Variants in CSNK2A1 observed in about 807,000 individuals in gnomAD.
CSNK2A1 encodes casein kinase 2 alpha 1, also known as casein kinase II subunit alpha.
A neutral mutation model predicts 62.9 loss-of-function variants in CSNK2A1; 10 were observed. The observed-to-expected ratio is 0.16, with a 90% CI of 0.10 to 0.27. The LOEUF (loss-of-function observed/expected upper bound fraction) is 0.27. CSNK2A1 is among the 10% of genes least tolerant of loss of function. The pLI is 1.00. For synonymous variants in CSNK2A1, 124 were observed against 167.8 expected, an observed-to-expected ratio of 0.74 and a Z score of 2.02; for missense variants, 160 against 492.0, an observed-to-expected ratio of 0.33 and a Z score of 6.38.
Position 487,414 on chromosome 20 carries a change from T to C in CSNK2A1, c.973+13A>G, listed in dbSNP as rs376903619. On this transcript the variant is annotated intron_variant, in intron 12 of 13. Transcript: ENST00000217244. ...GCCTGCACAAACTCTGTGGGCTAGA[T>C]ATCTGGACTCACAGAAATAGGGGTG... 1.2e-6 allele frequency: 2 copies of C among 1,613,314 alleles called. No homozygotes were observed. Among genetic ancestry groups the C allele is most frequent in the Non-Finnish European group, 1.7e-6 (2 of 1,180,018 alleles).
intron 3 of CSNK2A1, 129 bp downstream of exon 3, chr20:508,320 AAC>A (rs2018647641): frequency 9.8e-7 from 1 of 1,025,014 alleles, no homozygotes; most frequent in Non-Finnish European, 1.4e-6. Context: ...CTCAAAAGAA[AAC>A]ACAAATTGGG....
chr20:489,054 T>G, intron 10 of CSNK2A1: 1 of 325,944 alleles, frequency 3.1e-6, no homozygotes, highest in East Asian at 7.3e-5. Flanking sequence ...GAAGCTCCCA[T>G]TGCACACTCA....
In CSNK2A1 at chr20:499,483, T is replaced by G; in HGVS notation, c.316-178A>C. 1 of 564,226 alleles carries G rather than the reference T, an allele frequency of 1.8e-6. No homozygotes were observed. Among genetic ancestry groups the G allele is most frequent in the Non-Finnish European group, 3.0e-6 (1 of 328,578 alleles). 35.0% of individuals were successfully genotyped at this position (564,226 alleles called of 1,614,324 possible). On this transcript the variant is annotated intron_variant, in intron 5 of 13. Coordinates refer to ENST00000217244, the MANE Select transcript of CSNK2A1 (RefSeq NM_177559.3). The surrounding 1 kb of genome is among the most constrained non-coding windows in gnomAD (Gnocchi z 4.2). ...ATCATCACCGCACTTAGGTCATTTT[T>G]GGGATGGATTTCAAACAGAAGACAT...
rs73074780 is a variant in CSNK2A1 at position 498,901 on chromosome 20, T to C, written c.366+354A>G. ...AATAAGCAGTCCCTACTTTTATACA[T>C]ACAATATATTTCTTCCTGAACACTA... On this transcript the variant is annotated intron_variant, in intron 6 of 13. Coordinates refer to ENST00000217244, the MANE Select transcript of CSNK2A1 (RefSeq NM_177559.3). The C allele has an allele frequency of 6.2e-3, 974 of 156,968 alleles. 3 individuals carry two copies. The highest frequency in any genetic ancestry group is 8.8e-3 in the Non-Finnish European group (625 of 71,178). The allele number at this position is 156,968 out of a possible 1,614,324, so 9.7% of individuals were successfully genotyped here.
Position 484,694 on chromosome 20 carries a change from T to TGTGTGTG in CSNK2A1, c.1061-619_1061-618insCACACAC, listed in dbSNP as rs573370751. On this transcript the variant is annotated intron_variant, in intron 13 of 13. Coordinates refer to ENST00000217244, the MANE Select transcript of CSNK2A1 (RefSeq NM_177559.3). The stretch of plus-strand genomic sequence containing the variant: ...TTCTTCCACCTCTCTAATCATGTTT[T>TGTGTGTG]TGTGTGTGTGTGTGTGTGTGTGTGT... 3.6e-3 allele frequency among the ~76,000 whole-genome samples: 530 copies of TGTGTGTG among 147,706 alleles called. 6 individuals are homozygous for TGTGTGTG. The highest frequency in any genetic ancestry group is 0.012 in the African/African-American group (493 of 39,838).
intron 13 of CSNK2A1, among the ~76,000 whole-genome samples, chr20:485,099 A>ATATATATATAT (rs2018056429): frequency 2.9e-5 from 1 of 34,460 alleles, no homozygotes; most frequent in South Asian, 1.6e-3. Flanking sequence ...AAAAAAAAAA[A>ATATATATATAT]AAAAAAAAAA....
intron 1 of CSNK2A1, among the ~76,000 whole-genome samples, chr20:534,388 T>C (rs746434405): frequency 2.6e-5 from 4 of 152,216 alleles, no homozygotes; most frequent in Non-Finnish European, 5.9e-5. Context: ...GTTTCTTCAT[T>C]ATTCTTTTAC....
chr20:493,113 G>C (rs2018268044), intron 8 of CSNK2A1, among the ~76,000 whole-genome samples: 1 of 152,126 alleles, frequency 6.6e-6, no homozygotes, highest in African/African-American at 2.4e-5. Context: ...CCCTGCAAAA[G>C]CACCTCCACT....
chr20:497,293 A>G (rs1311343765), intron 7 of CSNK2A1, among the ~76,000 whole-genome samples: 2 of 152,132 alleles, frequency 1.3e-5, no homozygotes, highest in Non-Finnish European at 2.9e-5. Flanking sequence ...AATTACAAGC[A>G]TAAGCCACCA....
intron 13 of CSNK2A1, among the ~76,000 whole-genome samples, chr20:484,518 G>C (rs911806951): frequency 1.3e-5 from 2 of 152,186 alleles, no homozygotes; most frequent in Admixed American, 1.3e-4. Context: ...CTACCATACT[G>C]AACAGCACAT....
At position 508,664 on chromosome 20, in the gene CSNK2A1, C is replaced by G; in HGVS notation, c.-109-4G>C. The G allele has an allele frequency of 1.1e-6, 1 of 936,008 alleles. No individual in the cohort carries two copies. Among genetic ancestry groups the G allele is most frequent in the South Asian group, 1.7e-5 (1 of 60,000 alleles). 58.0% of individuals were successfully genotyped at this position (936,008 alleles called of 1,614,324 possible). On this transcript the variant is annotated splice_polypyrimidine_tract_variant and splice_region_variant and intron_variant, in intron 2 of 13. Coordinates refer to ENST00000217244, the MANE Select transcript of CSNK2A1 (RefSeq NM_177559.3). The stretch of plus-strand genomic sequence containing the variant: ...TTTCAGACCTGTTTTCTTCAAACTG[C>G]AGAAACAAAATGCACAAAGTCCAAG...
Position 475,508 on chromosome 20 carries a change from A to C in CSNK2A1, c.*8453T>G, listed in dbSNP as rs1232427170. On this transcript the variant is annotated 3_prime_UTR_variant, in exon 14 of 14. Coordinates refer to ENST00000217244, the MANE Select transcript of CSNK2A1 (RefSeq NM_177559.3). ...TGTAATCCTTTCCACACACACATAT[A>C]TATATACATAGATGTTATATGTGGT... The C allele has an allele frequency of 1.3e-5, 2 of 151,748 alleles. No homozygotes were observed. The highest frequency in any genetic ancestry group is 2.9e-5 in the Non-Finnish European group (2 of 68,004). The allele number at this position is 151,748 out of a possible 1,614,324, so 9.4% of individuals were successfully genotyped here.
chr20:481,462 G>T lies in CSNK2A1; in HGVS notation c.*2499C>A, dbSNP rs2017954098. The T allele has an allele frequency of 1.3e-5, 2 of 150,152 alleles. No individual in the cohort carries two copies. The highest frequency in any genetic ancestry group is 3.0e-5 in the Non-Finnish European group (2 of 67,648). The allele number at this position is 150,152 out of a possible 1,614,324, so 9.3% of individuals were successfully genotyped here. On this transcript the variant is annotated 3_prime_UTR_variant, in exon 14 of 14. Coordinates refer to ENST00000217244, the MANE Select transcript of CSNK2A1 (RefSeq NM_177559.3). ...GGTAATTTACAACAACACGTAAGTT[G>T]TTACTCTGTAAACCCTTGCCTCCCC...
chr20:511,783 A>G (rs1035893183), intron 2 of CSNK2A1, among the ~76,000 whole-genome samples: 2 of 152,114 alleles, frequency 1.3e-5, no homozygotes, highest in African/African-American at 4.8e-5. Flanking sequence ...TTGCTTCCAC[A>G]GCTTGGCTAT....
At chr20:487,359 G>T in intron 12 of CSNK2A1, 68 bp downstream of exon 12, 2 of 1,594,104 alleles carry the variant, frequency 1.3e-6, no homozygotes, top group Non-Finnish European at 1.7e-6. Context: ...ACAGGAGCTG[G>T]GATTACGACT....
chr20:525,891 A>T (rs1235054934), intron 2 of CSNK2A1, among the ~76,000 whole-genome samples: 1 of 149,566 alleles, frequency 6.7e-6, no homozygotes, highest in East Asian at 2.0e-4. Context: ...CTGTGGTCCA[A>T]CTATTCAGGA....
rs556104601 is a variant in CSNK2A1 at position 525,442 on chromosome 20, G to T, written c.-110+2491C>A. On this transcript the variant is annotated intron_variant, in intron 2 of 13. Transcript: ENST00000217244. ...CTGAGGCGGGCGGATCACGAGGTCAGAAGATCGAGACCACCCTGGCTAACA... is the reference window on the plus strand; with the variant it reads ...CTGAGGCGGGCGGATCACGAGGTCATAAGATCGAGACCACCCTGGCTAACA... 7.9e-5 allele frequency among the ~76,000 whole-genome samples: 12 copies of T among 151,554 alleles called. No homozygotes were observed. In the South Asian group the frequency reaches 2.3e-3, roughly 29 times the overall value.
At chr20:516,739 A>T (rs1350561772) in intron 2 of CSNK2A1, among the ~76,000 whole-genome samples, 1 of 152,214 alleles carries the variant, frequency 6.6e-6, no homozygotes, top group African/African-American at 2.4e-5. Flanking sequence ...ATTTTTATTG[A>T]TGAATTTCCT....
chr20:483,988 A>G lies in CSNK2A1; in HGVS notation c.1149T>C (p.Val383=). The G allele has an allele frequency of 1.2e-6, 2 of 1,612,220 alleles. No individual in the cohort carries two copies. The highest frequency in any genetic ancestry group is 4.5e-5 in the East Asian group (2 of 44,576). The change falls in exon 14 of 14, where the codon GTT becomes GTC. Residue 383 remains valine (V), a synonymous_variant. Transcript: ENST00000217244. ...IAAANPLGMP[V]PAAAGAQQ ...ACTGCTGAGCGCCAGCGGCAGCTGG[A>G]ACAGGCATCCCAAGGGGGTTGGCAG...
Sources: allele counts gnomAD v4.1 joint callset (sites outside exome capture counted in the v4.1 genomes callset), GRCh38; gene constraint gnomAD v4.1.1; non-coding constraint Gnocchi (gnomAD v3.1); transcripts MANE v1.5; gene names NCBI Gene and HGNC (gene_info 2026-07-23, HGNC 2026-07-21).